FSTL5: variants seen among roughly 807,000 people sequenced by gnomAD.
The protein encoded by FSTL5 is follistatin-related protein 5.
In FSTL5, 62 loss-of-function variants were observed where a neutral mutation model predicts 89.1. That is an observed-to-expected ratio of 0.70 (90% CI 0.57 to 0.86). The LOEUF (loss-of-function observed/expected upper bound fraction) is 0.86. Ranked by LOEUF, FSTL5 falls within the 40% of genes least tolerant of loss-of-function variation. The pLI is 0.00. For missense variants in FSTL5, 1,057 were observed against 1,001.6 expected, an observed-to-expected ratio of 1.06 and a Z score of -0.75; for synonymous variants, 383 against 346.2, an observed-to-expected ratio of 1.11 and a Z score of -1.18.
At chr4:162,163,474 T>TTAC (rs1325171154) in intron 1 of FSTL5, 141 bp downstream of exon 1, 1 of 146,976 alleles carries the variant, frequency 6.8e-6, no homozygotes, top group Non-Finnish European at 1.5e-5. Context: ...ATAATAGTAA[T>TTAC]TATTAAAATA....
At chr4:161,785,057 AAG>A (rs1430213832) in intron 4 of FSTL5, among the ~76,000 whole-genome samples, 2 of 152,170 alleles carry the variant, frequency 1.3e-5, no homozygotes, top group Non-Finnish European at 2.9e-5. Flanking sequence ...TAATGACACT[AAG>A]AAGTAAATGT....
At chr4:162,149,066 T>C (rs983874890) in intron 1 of FSTL5, among the ~76,000 whole-genome samples, 2 of 152,226 alleles carry the variant, frequency 1.3e-5, no homozygotes, top group African/African-American at 4.8e-5. Flanking sequence ...ATCATGGCTC[T>C]GTGGCCCACA....
At chr4:162,150,289 A>G (rs12505355) in intron 1 of FSTL5, among the ~76,000 whole-genome samples, 35,338 of 151,994 alleles carry the variant, frequency 0.23, 4,301 homozygotes, top group Non-Finnish European at 0.26. Context: ...AGATCATTGG[A>G]GCCTTTTGAG....
intron 2 of FSTL5, among the ~76,000 whole-genome samples, chr4:162,090,453 A>G (rs1730500455): frequency 6.6e-6 from 1 of 152,128 alleles, no homozygotes; most frequent in Admixed American, 6.6e-5. Flanking sequence ...TTCTCAAAAA[A>G]AGACGTGGAT....
intron 4 of FSTL5, among the ~76,000 whole-genome samples, chr4:161,854,654 A>C (rs764037439): frequency 2.3e-4 from 35 of 152,180 alleles, no homozygotes; most frequent in Non-Finnish European, 4.7e-4. Context: ...GGAATAAATA[A>C]GTTAGGTTAA....
chr4:161,513,416 G>A (rs1730720082), intron 10 of FSTL5, among the ~76,000 whole-genome samples: 1 of 151,744 alleles, frequency 6.6e-6, no homozygotes, highest in South Asian at 2.1e-4. Context: ...TTTAATACCA[G>A]GGTGATTCCT....
At chr4:161,516,247 T>G (rs1578891290) in intron 10 of FSTL5, among the ~76,000 whole-genome samples, 1 of 149,180 alleles carries the variant, frequency 6.7e-6, no homozygotes, top group Admixed American at 6.7e-5. Flanking sequence ...GTAATATATA[T>G]ATTTTACATT....
chr4:161,689,477 A>G (rs1315284625), intron 6 of FSTL5, among the ~76,000 whole-genome samples: 1 of 152,148 alleles, frequency 6.6e-6, no homozygotes, highest in Non-Finnish European at 1.5e-5. Flanking sequence ...TACTAATCAT[A>G]TACTAAGTAA....
intron 4 of FSTL5, among the ~76,000 whole-genome samples, chr4:161,874,221 G>T (rs566727138): frequency 6.6e-6 from 1 of 151,836 alleles, no homozygotes; most frequent in Non-Finnish European, 1.5e-5. Flanking sequence ...TAATGTTATA[G>T]ACATTAAGAA....
chr4:161,748,927 G>T (rs1740299623), intron 6 of FSTL5, among the ~76,000 whole-genome samples: 1 of 151,924 alleles, frequency 6.6e-6, no homozygotes, highest in Non-Finnish European at 1.5e-5. Flanking sequence ...ATGAAAAAAT[G>T]TTTAACATCA....
At chr4:161,504,478 G>T (rs28620167) in intron 11 of FSTL5, among the ~76,000 whole-genome samples, 2,467 of 147,658 alleles carry the variant, frequency 0.017, 62 homozygotes, top group African/African-American at 0.057. Flanking sequence ...TTTCGTTTTT[G>T]TTTTTTTTTT....
At chr4:161,633,771 C>A (rs1202363473) in intron 7 of FSTL5, among the ~76,000 whole-genome samples, 1 of 152,046 alleles carries the variant, frequency 6.6e-6, no homozygotes, top group Non-Finnish European at 1.5e-5. Context: ...AGTAAAAACA[C>A]AAATGCAAAG....
At chr4:161,462,760 G>C (rs893893814) in intron 13 of FSTL5, among the ~76,000 whole-genome samples, 2 of 152,118 alleles carry the variant, frequency 1.3e-5, no homozygotes, top group African/African-American at 2.4e-5. Flanking sequence ...AGATGTTTTA[G>C]TGACTGTTAG....
chr4:161,999,340 T>G (rs905465394), intron 3 of FSTL5, among the ~76,000 whole-genome samples: 3 of 152,090 alleles, frequency 2.0e-5, no homozygotes, highest in African/African-American at 7.2e-5. Flanking sequence ...AACAACAATA[T>G]CCTGAAATTA....
chr4:161,949,427 C>T (rs1320255657), intron 3 of FSTL5, among the ~76,000 whole-genome samples: 1 of 152,058 alleles, frequency 6.6e-6, no homozygotes, highest in Non-Finnish European at 1.5e-5. Context: ...TTTAGTTTTA[C>T]TTTAACATAC....
chr4:161,819,084 C>T (rs1449966355), intron 4 of FSTL5, among the ~76,000 whole-genome samples: 1 of 151,878 alleles, frequency 6.6e-6, no homozygotes, highest in Admixed American at 6.6e-5. Flanking sequence ...AATATTGATG[C>T]CTATGGCATA....
At chr4:162,124,627 C>T (rs898798909) in intron 1 of FSTL5, among the ~76,000 whole-genome samples, 2 of 152,076 alleles carry the variant, frequency 1.3e-5, no homozygotes, top group Non-Finnish European at 2.9e-5. Context: ...AGAGAGCAGC[C>T]AAAATAATAC....
chr4:162,036,563 A>T lies in FSTL5; in HGVS notation c.127-2905T>A, dbSNP rs150447267. Among the ~76,000 whole-genome samples the T allele has an allele frequency of 5.4e-3, 820 of 152,200 alleles. 10 individuals are homozygous for T. The highest frequency in any genetic ancestry group is 0.018 in the African/African-American group (753 of 41,548). On this transcript the variant is annotated intron_variant, in intron 2 of 15. Transcript: ENST00000306100. ...ATAAATTATCACTCTATAAATTAGA[A>T]CATAGAGTAGAACTCACTGATCTAT...
intron 2 of FSTL5, among the ~76,000 whole-genome samples, chr4:162,057,913 C>G (rs941998023): frequency 3.3e-5 from 5 of 152,060 alleles, no homozygotes; most frequent in Non-Finnish European, 5.9e-5. Context: ...CATTGCACTC[C>G]AGCCTGGGTA....
Sources: gnomAD v4.1 joint callset for allele counts (sites outside exome capture counted in the v4.1 genomes callset) on GRCh38, gnomAD v4.1.1 for gene constraint, MANE v1.5 for transcripts, NCBI Gene and HGNC (gene_info 2026-07-23, HGNC 2026-07-21) for gene names.